RAD50: variants seen among roughly 807,000 people sequenced by gnomAD.
RAD50 encodes the protein RAD50 double strand break repair protein.
In RAD50, 132 loss-of-function variants were observed where a neutral mutation model predicts 168.8. The observed-to-expected ratio is 0.78, with a 90% CI of 0.68 to 0.90. The LOEUF (loss-of-function observed/expected upper bound fraction) is 0.90, where lower values mean the gene tolerates loss of function less well. Ranked by LOEUF, RAD50 falls within the 40% of genes least tolerant of loss-of-function variation. RAD50 has a pLI of 0.00. For missense variants in RAD50, 1,347 were observed against 1,534.4 expected (o/e 0.88, Z 2.04); for synonymous variants, 525 against 497.4 (o/e 1.06, Z -0.74).
intron 19 of RAD50, among the ~76,000 whole-genome samples, chr5:132,610,413 G>T: frequency 6.6e-6 from 1 of 152,080 alleles, no homozygotes; most frequent in Middle Eastern, 3.4e-3. Context: ...CTCTATTAAA[G>T]AAATTAATTT....
Position 132,642,928 on chromosome 5 carries a change from C to T in RAD50, c.*564C>T. The T allele has an allele frequency of 2.2e-6, 1 of 459,568 alleles. No individual in the cohort carries two copies. Among genetic ancestry groups the T allele is most frequent in the South Asian group, 1.8e-5 (1 of 55,874 alleles). The allele number at this position is 459,568 out of a possible 1,614,324, so 28.5% of individuals were successfully genotyped here. ...AAAATTTGAAGTAGTTGAATGGGGT[C>T]TCAAAGTTTGACAGGAACCTTAAGT... On this transcript the variant is annotated 3_prime_UTR_variant, in exon 25 of 25. Coordinates refer to ENST00000378823, the MANE Select transcript of RAD50 (RefSeq NM_005732.4).
At chr5:132,601,592 T>A (rs1440515442) in intron 13 of RAD50, among the ~76,000 whole-genome samples, 3 of 152,162 alleles carry the variant, frequency 2.0e-5, no homozygotes, top group African/African-American at 7.2e-5. Context: ...ACTCATAACC[T>A]GCATACCTTC....
chr5:132,634,355 A>G (rs997435401), intron 21 of RAD50, among the ~76,000 whole-genome samples: 1 of 147,738 alleles, frequency 6.8e-6, no homozygotes, highest in East Asian at 2.0e-4. Context: ...TTTTTTTTCT[A>G]TTGCCTTTCC....
At chr5:132,593,974 T>C (rs1750746504) in intron 11 of RAD50, among the ~76,000 whole-genome samples, 1 of 152,170 alleles carries the variant, frequency 6.6e-6, no homozygotes, top group Middle Eastern at 3.2e-3. Flanking sequence ...CAGTGTTTGG[T>C]GCTACGTAGA....
chr5:132,605,266 C>T (rs1446036916), intron 16 of RAD50, among the ~76,000 whole-genome samples: 2 of 151,834 alleles, frequency 1.3e-5, no homozygotes, highest in Non-Finnish European at 2.9e-5. Context: ...TGGTTTCAAA[C>T]TCCTGAACTA....
At chr5:132,613,066 C>T (rs1329444159) in intron 19 of RAD50, among the ~76,000 whole-genome samples, 1 of 151,578 alleles carries the variant, frequency 6.6e-6, no homozygotes, top group Non-Finnish European at 1.5e-5. Flanking sequence ...ATCTGTTCAG[C>T]ATGCCACTCT....
chr5:132,601,239 T>G (rs1750882276), intron 13 of RAD50, among the ~76,000 whole-genome samples: 1 of 152,052 alleles, frequency 6.6e-6, no homozygotes, highest in Admixed American at 6.6e-5. Flanking sequence ...CTCAGGTGAT[T>G]CACCAGCCTC....
At chr5:132,613,520 G>T (rs574309049) in intron 19 of RAD50, among the ~76,000 whole-genome samples, 13 of 151,196 alleles carry the variant, frequency 8.6e-5, no homozygotes, top group South Asian at 2.1e-4. Flanking sequence ...GACCCAAAAG[G>T]CATTTTATTA....
At chr5:132,591,160 G>T (rs1561640616) in intron 9 of RAD50, 64 bp from the exon 10 acceptor site, 18 of 1,468,832 alleles carry the variant, frequency 1.2e-5, no homozygotes, top group Non-Finnish European at 1.7e-5. Context: ...AATACACTTT[G>T]TCATTATTTT....
At chr5:132,584,508 G>A (rs1236304763) in intron 5 of RAD50, among the ~76,000 whole-genome samples, 1 of 152,098 alleles carries the variant, frequency 6.6e-6, no homozygotes, top group African/African-American at 2.4e-5. Flanking sequence ...AAGCTCTTTA[G>A]TTTAATTAGA....
intron 21 of RAD50, among the ~76,000 whole-genome samples, chr5:132,628,573 C>T (rs996112672): frequency 6.6e-6 from 1 of 151,868 alleles, no homozygotes; most frequent in Non-Finnish European, 1.5e-5. Flanking sequence ...CAGCCGGGCA[C>T]GGTGGCTCAC....
At chr5:132,613,708 A>G (rs1255899784) in intron 19 of RAD50, among the ~76,000 whole-genome samples, 4 of 146,994 alleles carry the variant, frequency 2.7e-5, no homozygotes, top group African/African-American at 1.0e-4. Flanking sequence ...GGTTCAAGTG[A>G]TTCTCCTGCC....
At chr5:132,581,978 C>G (rs1357109570) in intron 5 of RAD50, among the ~76,000 whole-genome samples, 1 of 152,028 alleles carries the variant, frequency 6.6e-6, no homozygotes, top group Non-Finnish European at 1.5e-5. Context: ...AAAACAAGAC[C>G]TGTAGGAGCT....
At chr5:132,588,522 G>A (rs2706359) in intron 7 of RAD50, among the ~76,000 whole-genome samples, 165 bp from the exon 8 acceptor site, 162 of 152,174 alleles carry the variant, frequency 1.1e-3, no homozygotes, top group African/African-American at 3.5e-3. Context: ...CAGTATTCTG[G>A]TTGTGATATT....
At position 132,604,941 on chromosome 5, in the gene RAD50, T is replaced by C. The variant is rs1359835350; in HGVS notation, c.2660T>C (p.Leu887Pro). Residue 887 changes from leucine to proline, a missense_variant, in exon 16 of 25, where the codon CTG becomes CCG. Transcript: ENST00000378823. ...ISTNLQRRQQ[L>P]EEQTVELSTE... ...ACTAATTTGCAACGTCGTCAGCAACTGGAGGAGCAGACTGTGGAATTATCC... is the reference window on the plus strand; with the variant it reads ...ACTAATTTGCAACGTCGTCAGCAACCGGAGGAGCAGACTGTGGAATTATCC... 4 of 1,613,906 alleles carry C rather than the reference T, an allele frequency of 2.5e-6. No homozygotes were observed. The highest frequency in any genetic ancestry group is 3.4e-6 in the Non-Finnish European group (4 of 1,179,904).
intron 11 of RAD50, among the ~76,000 whole-genome samples, chr5:132,592,505 T>C (rs1271634616): frequency 6.6e-6 from 1 of 152,184 alleles, no homozygotes; most frequent in Non-Finnish European, 1.5e-5. Context: ...AGCAGGAACA[T>C]TGTTGTGGTG....
intron 13 of RAD50, 51 bp from the exon 14 acceptor site, chr5:132,603,249 T>C: frequency 6.7e-7 from 1 of 1,498,162 alleles, no homozygotes; most frequent in Non-Finnish European, 9.1e-7. Flanking sequence ...AACCTCAGTC[T>C]AACTGTGAGA....
chr5:132,633,298 T>G (rs1408290328), intron 21 of RAD50, among the ~76,000 whole-genome samples: 1 of 151,632 alleles, frequency 6.6e-6, no homozygotes, highest in Non-Finnish European at 1.5e-5. Context: ...AGAGACAGGG[T>G]TACACCATGT....
chr5:132,624,264 TC>T (rs1283604635), intron 21 of RAD50, among the ~76,000 whole-genome samples: 1 of 152,194 alleles, frequency 6.6e-6, no homozygotes, highest in Non-Finnish European at 1.5e-5. Flanking sequence ...AGATATTAGA[TC>T]CAGCAGTTTA....
Sources: gnomAD v4.1 joint callset for allele counts (sites outside exome capture counted in the v4.1 genomes callset) on GRCh38, gnomAD v4.1.1 for gene constraint, MANE v1.5 for transcripts, NCBI Gene and HGNC (gene_info 2026-07-23, HGNC 2026-07-21) for gene names.